The following MDGA2 variants were observed in gnomAD, a reference collection of about 807,000 sequenced individuals.
MDGA2 encodes MAM domain containing glycosylphosphatidylinositol anchor 2, also known as MAM domain-containing glycosylphosphatidylinositol anchor protein 2.
MDGA2 carries 40 observed loss-of-function variants against 117.8 expected under a neutral mutation model. The ratio of observed to expected loss-of-function variants is 0.34; its 90% CI spans 0.26 to 0.44. The LOEUF (loss-of-function observed/expected upper bound fraction) is 0.44, where lower values mean the gene tolerates loss of function less well. Ranked by LOEUF, MDGA2 falls within the 20% of genes least tolerant of loss-of-function variation. The pLI, the probability that MDGA2 is intolerant of heterozygous loss-of-function variation, is 1.00. For synonymous variants in MDGA2, 452 were observed against 439.0 expected, an observed-to-expected ratio of 1.03 and a Z score of -0.37; for missense variants, 1,123 against 1,250.6, an observed-to-expected ratio of 0.90 and a Z score of 1.54.
intron 7 of MDGA2, among the ~76,000 whole-genome samples, chr14:47,045,948 G>C (rs112165709): frequency 5.2e-4 from 78 of 151,338 alleles, no homozygotes; most frequent in African/African-American, 1.8e-3. Context: ...CTGGGCAACA[G>C]GGTGAGACTC....
At chr14:46,895,375 C>T (rs3007100) in intron 10 of MDGA2, among the ~76,000 whole-genome samples, 146,276 of 152,292 alleles carry the variant, frequency 0.96, 70,526 homozygotes, top group East Asian at 1. Context: ...AATGGACTAA[C>T]ACAGTATCTA....
intron 3 of MDGA2, among the ~76,000 whole-genome samples, chr14:47,161,927 CTTTTTTTTTTTTTTTTTTTTTTT>C (rs71112489): frequency 2.1e-4 from 11 of 52,472 alleles, no homozygotes; most frequent in East Asian, 1.7e-3. Flanking sequence ...TCCCCAGATC[CTTTTTTTTTTTTTTTTTTTTTTT>C]TTTTTTTTTT....
intron 1 of MDGA2, among the ~76,000 whole-genome samples, chr14:47,649,939 G>C (rs1265855292): frequency 6.6e-6 from 1 of 151,998 alleles, no homozygotes; most frequent in Non-Finnish European, 1.5e-5. Flanking sequence ...GTGTTAACTT[G>C]ACTGGGTAAT....
intron 3 of MDGA2, among the ~76,000 whole-genome samples, chr14:47,145,757 G>A (rs1029968487): frequency 2.0e-5 from 3 of 152,054 alleles, no homozygotes; most frequent in African/African-American, 7.2e-5. Flanking sequence ...TATTAAGTTG[G>A]TGCAAAAGTA....
At chr14:47,555,957 T>G (rs1185296171) in intron 1 of MDGA2, among the ~76,000 whole-genome samples, 1 of 152,216 alleles carries the variant, frequency 6.6e-6, no homozygotes, top group Non-Finnish European at 1.5e-5. Flanking sequence ...ACAAAATTGT[T>G]GCTTGGGCTT....
intron 1 of MDGA2, among the ~76,000 whole-genome samples, chr14:47,451,641 T>A (rs916086400): frequency 2.0e-5 from 3 of 152,134 alleles, no homozygotes; most frequent in African/African-American, 7.2e-5. Context: ...ACAGTTTTAG[T>A]CACAAGATTT....
At chr14:47,222,484 G>A (rs1277559817) in intron 2 of MDGA2, among the ~76,000 whole-genome samples, 3 of 151,954 alleles carry the variant, frequency 2.0e-5, no homozygotes, top group Non-Finnish European at 4.4e-5. Flanking sequence ...TGACAAACAC[G>A]CAATTGCAGT....
chr14:47,167,976 G>A (rs1883955329), intron 3 of MDGA2, among the ~76,000 whole-genome samples: 1 of 152,032 alleles, frequency 6.6e-6, no homozygotes, highest in Non-Finnish European at 1.5e-5. Flanking sequence ...CAACTCCATT[G>A]CATTTGGCCA....
intron 1 of MDGA2, among the ~76,000 whole-genome samples, chr14:47,325,256 A>G (rs1223496174): frequency 6.6e-6 from 1 of 152,164 alleles, no homozygotes; most frequent in Non-Finnish European, 1.5e-5. Flanking sequence ...TCATTCATCA[A>G]ATGTAACGGG....
chr14:47,219,018 T>C (rs909867612), intron 2 of MDGA2, among the ~76,000 whole-genome samples: 20 of 152,080 alleles, frequency 1.3e-4, no homozygotes, highest in Non-Finnish European at 2.9e-4. Flanking sequence ...AAAAGCCACA[T>C]ACTCATACTG....
Position 46,882,234 on chromosome 14 carries a change from CAAT to C in MDGA2, c.2239-16_2239-14del, listed in dbSNP as rs1470625730. On this transcript the variant is annotated splice_polypyrimidine_tract_variant and intron_variant, in intron 10 of 16. Transcript: ENST00000399232. ...GCTGCTGTCCAGCCTGAAATCAAAACAATAATAGAATAATGTTCCCAGTATGTT... is the reference window on the plus strand; with the variant it reads ...GCTGCTGTCCAGCCTGAAATCAAAACAATAGAATAATGTTCCCAGTATGTT... 6.2e-7 allele frequency: 1 copy of C among 1,600,464 alleles called. No homozygotes were observed. Among genetic ancestry groups the C allele is most frequent in the African/African-American group, 1.3e-5 (1 of 74,264 alleles).
At chr14:47,312,998 T>C (rs1234180157) in intron 1 of MDGA2, among the ~76,000 whole-genome samples, 1 of 151,140 alleles carries the variant, frequency 6.6e-6, no homozygotes. Flanking sequence ...GTTTTTAAAC[T>C]AATGAAGAAA....
At chr14:47,568,080 T>A (rs1397533378) in intron 1 of MDGA2, among the ~76,000 whole-genome samples, 1 of 152,128 alleles carries the variant, frequency 6.6e-6, no homozygotes, top group Non-Finnish European at 1.5e-5. Context: ...CCTAATAATA[T>A]GGATTATGTT....
chr14:47,318,530 C>T (rs1434100626), intron 1 of MDGA2, among the ~76,000 whole-genome samples: 1 of 152,110 alleles, frequency 6.6e-6, no homozygotes, highest in African/African-American at 2.4e-5. Context: ...GCTCTTCATA[C>T]TACTTAACGT....
At chr14:46,968,564 T>C (rs2138317544) in intron 8 of MDGA2, among the ~76,000 whole-genome samples, 1 of 152,234 alleles carries the variant, frequency 6.6e-6, no homozygotes, top group Admixed American at 6.5e-5. Context: ...CCGGGCACAG[T>C]GACTCACACC....
intron 1 of MDGA2, among the ~76,000 whole-genome samples, chr14:47,305,860 C>G (rs1336334950): frequency 6.6e-6 from 1 of 152,128 alleles, no homozygotes; most frequent in Non-Finnish European, 1.5e-5. Flanking sequence ...GCTAAATCTG[C>G]CTGGGGGAGT....
At chr14:47,282,708 C>A (rs543453148) in intron 2 of MDGA2, among the ~76,000 whole-genome samples, 11,729 of 141,612 alleles carry the variant, frequency 0.083, 658 homozygotes, top group Non-Finnish European at 0.11. Flanking sequence ...AAAAAAAAAA[C>A]AAAAAACAAA....
chr14:47,144,352 C>T lies in MDGA2; in HGVS notation c.596-78G>A, dbSNP rs1487055693. 7 of 1,015,090 alleles carry T rather than the reference C, an allele frequency of 6.9e-6. No homozygotes were observed. In the Admixed American group the frequency reaches 1.1e-4, roughly 16 times the overall value. The allele number at this position is 1,015,090 out of a possible 1,614,324, so 62.9% of individuals were successfully genotyped here. On this transcript the variant is annotated intron_variant, in intron 3 of 16. Transcript: ENST00000399232. ...AAAGTATTGTGCTTATATAACCCAA[C>T]CAAAAATGCATATTCCTCATTGATT...
At chr14:47,039,344 C>A (rs1330492437) in intron 7 of MDGA2, among the ~76,000 whole-genome samples, 1 of 152,188 alleles carries the variant, frequency 6.6e-6, no homozygotes, top group Non-Finnish European at 1.5e-5. Flanking sequence ...TTATTTGTTT[C>A]ACCATTTCCT....
Sources: gnomAD v4.1 joint callset for allele counts (sites outside exome capture counted in the v4.1 genomes callset) on GRCh38, gnomAD v4.1.1 for gene constraint, MANE v1.5 for transcripts, NCBI Gene and HGNC (gene_info 2026-07-23, HGNC 2026-07-21) for gene names.